KDELR2: variants seen among roughly 807,000 people sequenced by gnomAD.
KDELR2 encodes the protein KDEL endoplasmic reticulum protein retention receptor 2.
In KDELR2, 15 loss-of-function variants were observed where a neutral mutation model predicts 23.9. The observed-to-expected ratio is 0.63, with a 90% CI of 0.42 to 0.97. The LOEUF is 0.97. KDELR2 is among the 50% of genes least tolerant of loss of function. The pLI is 0.00. For missense variants in KDELR2, 272 were observed against 254.6 expected (o/e 1.07, Z -0.46); for synonymous variants, 119 against 106.2 (o/e 1.12, Z -0.74).
At position 6,462,466 on chromosome 7, in the gene KDELR2, G is replaced by A. The variant is rs187457914; in HGVS notation, c.*675C>T. On this transcript the variant is annotated 3_prime_UTR_variant, in exon 5 of 5. Transcript: ENST00000258739. ...ACTGACACTTCCCAGCAGGGGAGGA[G>A]GGCAGGCACCTTTGGTGACTCTTCA... 4 of 156,530 alleles carry A rather than the reference G, an allele frequency of 2.6e-5. No individual in the cohort carries two copies. The highest frequency in any genetic ancestry group is 2.5e-4 in the Admixed American group (4 of 15,824). 9.7% of individuals were successfully genotyped at this position (156,530 alleles called of 1,614,324 possible). A position where few individuals can be genotyped will look rare whatever the true frequency, so the allele number is the denominator to read the frequency against.
At chr7:6,469,235 A>G (rs1035638908) in intron 3 of KDELR2, among the ~76,000 whole-genome samples, 3 of 152,030 alleles carry the variant, frequency 2.0e-5, no homozygotes, top group Non-Finnish European at 4.4e-5. Flanking sequence ...TACAGGCGTG[A>G]GCCACTACGC....
At chr7:6,469,402 C>G (rs1017407026) in intron 3 of KDELR2, among the ~76,000 whole-genome samples, 194 bp downstream of exon 3, 1 of 152,108 alleles carries the variant, frequency 6.6e-6, no homozygotes, top group African/African-American at 2.4e-5. Context: ...ATTACAGGTG[C>G]GTGCCACCAC....
At chr7:6,464,456 T>C (rs1416535966) in intron 4 of KDELR2, among the ~76,000 whole-genome samples, 2 of 151,912 alleles carry the variant, frequency 1.3e-5, no homozygotes, top group South Asian at 2.1e-4. Context: ...AAGGTGGAGG[T>C]TGCAGTGAGC....
chr7:6,477,527 T>C (rs994623798), intron 1 of KDELR2, among the ~76,000 whole-genome samples: 8 of 152,238 alleles, frequency 5.3e-5, no homozygotes, highest in African/African-American at 1.9e-4. Flanking sequence ...CTTTTGTAAA[T>C]GTTTCTGAAA....
intron 1 of KDELR2, among the ~76,000 whole-genome samples, chr7:6,481,850 C>T (rs1012174306): frequency 6.6e-6 from 1 of 152,146 alleles, no homozygotes; most frequent in Admixed American, 6.5e-5. Context: ...TTCATCTATC[C>T]AATCCTTTGA....
At chr7:6,476,076 G>A (rs559366886) in intron 1 of KDELR2, among the ~76,000 whole-genome samples, 16 of 152,122 alleles carry the variant, frequency 1.1e-4, no homozygotes, top group Admixed American at 7.9e-4. Context: ...CACCACACCT[G>A]GCTAATATTT....
At chr7:6,463,579 A>T (rs957654281) in intron 4 of KDELR2, among the ~76,000 whole-genome samples, 10 of 151,970 alleles carry the variant, frequency 6.6e-5, no homozygotes, top group African/African-American at 2.4e-4. Context: ...CTATAAAAAA[A>T]AAATTTTAAA....
In KDELR2 at chr7:6,467,432, T is replaced by C. The variant is rs150206818; in HGVS notation, c.352-1109A>G. On this transcript the variant is annotated intron_variant, in intron 3 of 4. Transcript: ENST00000258739. ...CGTATGACTTTATTCACGATGATGATAGAAGGACTTTCAGAGGGTCCTTGA... is the reference window on the plus strand; with the variant it reads ...CGTATGACTTTATTCACGATGATGACAGAAGGACTTTCAGAGGGTCCTTGA... 3.3e-3 allele frequency among the ~76,000 whole-genome samples: 502 copies of C among 152,288 alleles called. 5 individuals are homozygous for C. The highest frequency in any genetic ancestry group is 0.012 in the African/African-American group (481 of 41,560).
chr7:6,470,930 T>A (rs2115327133), intron 2 of KDELR2, among the ~76,000 whole-genome samples: 1 of 151,840 alleles, frequency 6.6e-6, no homozygotes, highest in Non-Finnish European at 1.5e-5. Flanking sequence ...CTGGCTAACA[T>A]GGTGAAACCC....
At chr7:6,469,821 T>C (rs1198606346) in intron 2 of KDELR2, 67 bp from the exon 3 acceptor site, 33 of 1,380,408 alleles carry the variant, frequency 2.4e-5, no homozygotes, top group Non-Finnish European at 3.2e-5. Context: ...CCCAGCTTTT[T>C]TAATCACCCA....
chr7:6,483,180 A>AC (rs1785942809), intron 1 of KDELR2, among the ~76,000 whole-genome samples: 1 of 152,180 alleles, frequency 6.6e-6, no homozygotes, highest in Non-Finnish European at 1.5e-5. Flanking sequence ...ACGTGGAGCA[A>AC]CGAATTGCAG....
intron 1 of KDELR2, among the ~76,000 whole-genome samples, chr7:6,483,507 C>T (rs1270280498): frequency 6.6e-6 from 1 of 152,200 alleles, no homozygotes; most frequent in Non-Finnish European, 1.5e-5. Flanking sequence ...GCTGGCTGGG[C>T]TGCCACGTCA....
chr7:6,483,857 T>C (rs1301915127), intron 1 of KDELR2, 110 bp downstream of exon 1: 2 of 835,898 alleles, frequency 2.4e-6, no homozygotes, highest in South Asian at 4.5e-5. Context: ...CGAGGGGGTG[T>C]GTCGGGCCGG....
At chr7:6,482,997 C>T (rs371708138) in intron 1 of KDELR2, among the ~76,000 whole-genome samples, 1 of 142,376 alleles carries the variant, frequency 7.0e-6, no homozygotes, top group Middle Eastern at 3.7e-3. Flanking sequence ...AGAGCGAGAC[C>T]CTGCCTCCAA....
Position 6,484,129 on chromosome 7 carries a change from C to G in KDELR2, c.-72G>C, listed in dbSNP as rs1296302850. 1.7e-6 allele frequency: 2 copies of G among 1,177,592 alleles called. No homozygotes were observed. Among genetic ancestry groups the G allele is most frequent in the Admixed American group, 4.4e-5 (1 of 22,798 alleles). 72.9% of individuals were successfully genotyped at this position (1,177,592 alleles called of 1,614,324 possible). A position where few individuals can be genotyped will look rare whatever the true frequency, so the allele number is the denominator to read the frequency against. On this transcript the variant is annotated 5_prime_UTR_variant, in exon 1 of 5. Coordinates refer to ENST00000258739, the MANE Select transcript of KDELR2 (RefSeq NM_006854.4). Reference sequence around the variant, plus strand: ...TGGGCGGCTCAGGAGGCGGCGGCCCCTGAGAGGAAGCGGCGAAGATGGCGA... The same window carrying G: ...TGGGCGGCTCAGGAGGCGGCGGCCCGTGAGAGGAAGCGGCGAAGATGGCGA...
At chr7:6,478,460 A>C (rs1785803178) in intron 1 of KDELR2, among the ~76,000 whole-genome samples, 2 of 152,040 alleles carry the variant, frequency 1.3e-5, no homozygotes, top group South Asian at 4.2e-4. Flanking sequence ...TCAAATTCCT[A>C]ACTCCTAGCA....
At chr7:6,469,791 T>C in intron 2 of KDELR2, 37 bp from the exon 3 acceptor site, 2 of 1,559,280 alleles carry the variant, frequency 1.3e-6, no homozygotes, top group South Asian at 1.2e-5. Context: ...TGTCAATACC[T>C]TGCCACTGTT....
intron 1 of KDELR2, among the ~76,000 whole-genome samples, chr7:6,481,837 A>C (rs1785900383): frequency 6.6e-6 from 1 of 152,188 alleles, no homozygotes; most frequent in Admixed American, 6.5e-5. Flanking sequence ...GCTCCCTTAG[A>C]CATTCATCTA....
rs184831357 is a variant in KDELR2 at position 6,478,851 on chromosome 7, C to T, written c.92-4567G>A. Among the ~76,000 whole-genome samples the T allele has an allele frequency of 6.6e-5, 10 of 152,022 alleles. No individual in the cohort carries two copies. The East Asian group carries it at 7.8e-4, about 12-fold the overall frequency. On this transcript the variant is annotated intron_variant, in intron 1 of 4. Transcript: ENST00000258739. ...TCGCCCAGGCTGGAGTGCAGTGGTG[C>T]GATCTCGGCTCACTGCAACCTCTGC...
Sources: allele counts gnomAD v4.1 joint callset (sites outside exome capture counted in the v4.1 genomes callset), GRCh38; gene constraint gnomAD v4.1.1; transcripts MANE v1.5; gene names NCBI Gene and HGNC (gene_info 2026-07-23, HGNC 2026-07-21).